CRADD: variants seen among roughly 807,000 people sequenced by gnomAD.
The protein encoded by CRADD is death domain-containing protein CRADD.
A neutral mutation model predicts 15.5 loss-of-function variants in CRADD; 9 were observed. The observed-to-expected ratio is 0.58, with a 90% CI of 0.35 to 1.01. The LOEUF (loss-of-function observed/expected upper bound fraction) is 1.01, where lower values mean the gene tolerates loss of function less well. CRADD is among the 50% of genes least tolerant of loss of function. CRADD has a pLI of 0.02. For missense variants in CRADD, 227 were observed against 250.3 expected, an observed-to-expected ratio of 0.91 and a Z score of 0.63; for synonymous variants, 118 against 107.6, an observed-to-expected ratio of 1.10 and a Z score of -0.60.
At chr12:93,838,990 C>G (rs1958016741) in intron 2 of CRADD, among the ~76,000 whole-genome samples, 1 of 152,062 alleles carries the variant, frequency 6.6e-6, no homozygotes. Flanking sequence ...CCAGGCTAGC[C>G]TTGAACTCCT....
chr12:93,751,727 G>T (rs1272539878), intron 2 of CRADD, among the ~76,000 whole-genome samples: 1 of 152,174 alleles, frequency 6.6e-6, no homozygotes, highest in African/African-American at 2.4e-5. Context: ...TAGCCAGGGT[G>T]GTGGTGTGTG....
chr12:93,872,920 G>C (rs1486548364), intron 2 of CRADD, among the ~76,000 whole-genome samples: 1 of 151,832 alleles, frequency 6.6e-6, no homozygotes, highest in East Asian at 1.9e-4. Context: ...TAAATTTTAG[G>C]ATTTTTTTTC....
chr12:93,729,009 T>G (rs542780936), intron 2 of CRADD, among the ~76,000 whole-genome samples: 70 of 152,226 alleles, frequency 4.6e-4, no homozygotes, highest in Admixed American at 5.2e-4. Flanking sequence ...ATTTCAAAAT[T>G]TAGGGTTTTT....
intron 2 of CRADD, among the ~76,000 whole-genome samples, chr12:93,767,489 A>C (rs898053620): frequency 6.6e-6 from 1 of 152,206 alleles, no homozygotes; most frequent in African/African-American, 2.4e-5. Flanking sequence ...GCTAACATTC[A>C]TTGAGGTTTA....
At chr12:93,734,507 CTG>C (rs1183431893) in intron 2 of CRADD, among the ~76,000 whole-genome samples, 2 of 152,144 alleles carry the variant, frequency 1.3e-5, no homozygotes, top group Non-Finnish European at 2.9e-5. Flanking sequence ...TGTTTTCACA[CTG>C]TGTTTTTCTC....
At chr12:93,697,350 T>C (rs1387944194) in intron 2 of CRADD, among the ~76,000 whole-genome samples, 1 of 152,226 alleles carries the variant, frequency 6.6e-6, no homozygotes, top group Non-Finnish European at 1.5e-5. Flanking sequence ...GGACACAGTG[T>C]TAACCTCTTC....
intron 2 of CRADD, among the ~76,000 whole-genome samples, chr12:93,839,807 CTAGA>C (rs1958026648): frequency 6.6e-6 from 1 of 152,176 alleles, no homozygotes; most frequent in Admixed American, 6.5e-5. Flanking sequence ...CTTACCCAGC[CTAGA>C]TAGTGTTTCC....
chr12:93,823,789 G>T (rs1957794612), intron 2 of CRADD, among the ~76,000 whole-genome samples: 1 of 152,152 alleles, frequency 6.6e-6, no homozygotes, highest in African/African-American at 2.4e-5. Flanking sequence ...GGTGGGAAGT[G>T]GAGTGAGTAA....
At position 93,850,360 on chromosome 12, in the gene CRADD, A is replaced by G; in HGVS notation, c.*89A>G. 1 of 1,469,074 alleles carries G rather than the reference A, an allele frequency of 6.8e-7. No homozygotes were observed. Among genetic ancestry groups the G allele is most frequent in the Non-Finnish European group, 9.0e-7 (1 of 1,116,478 alleles). 91.0% of individuals were successfully genotyped at this position (1,469,074 alleles called of 1,614,324 possible). ...ACTCAGAGCAGGTGGTTTTTTGTGTAGGTTTGTTTTTTATTTTTGATGATC... is the reference window on the plus strand; with the variant it reads ...ACTCAGAGCAGGTGGTTTTTTGTGTGGGTTTGTTTTTTATTTTTGATGATC... On this transcript the variant is annotated 3_prime_UTR_variant, in exon 3 of 3. Coordinates refer to ENST00000332896, the MANE Select transcript of CRADD (RefSeq NM_003805.5). This position sits in a 1 kb window ranked among gnomAD's most constrained non-coding sequence, Gnocchi z 4.0.
intron 2 of CRADD, among the ~76,000 whole-genome samples, chr12:93,808,812 G>A (rs1957581296): frequency 6.6e-6 from 1 of 151,900 alleles, no homozygotes; most frequent in Non-Finnish European, 1.5e-5. Context: ...GACTGACCAT[G>A]TTCCTAGGAG....
rs556714580 is a variant in CRADD, at chr12:93,847,390, A to G, written c.299-2580A>G. 8.6e-5 allele frequency among the ~76,000 whole-genome samples: 13 copies of G among 150,360 alleles called. No homozygotes were observed. In the South Asian group the frequency reaches 1.0e-3, roughly 12 times the overall value. On this transcript the variant is annotated intron_variant, in intron 2 of 2. Coordinates refer to ENST00000332896, the MANE Select transcript of CRADD (RefSeq NM_003805.5). ...TTAAGAATATAAAAAGATAAAAATA[A>G]TATAAAATTGTTCTCTAAATATTAA... is the stretch of plus-strand genomic sequence containing the variant.
At chr12:93,894,198 T>G in exon 3 of CRADD, 1 of 697,560 alleles carries the variant, frequency 1.4e-6, no homozygotes, top group East Asian at 2.7e-5. Context: ...CAAGGGCGAT[T>G]TTGCCTTCCA....
intron 2 of CRADD, among the ~76,000 whole-genome samples, chr12:93,835,407 G>C (rs1409309441): frequency 6.6e-6 from 1 of 151,922 alleles, no homozygotes; most frequent in Non-Finnish European, 1.5e-5. Context: ...ATTGAACCAG[G>C]GTACATGTTT....
At chr12:93,823,316 A>G (rs1273224665) in intron 2 of CRADD, among the ~76,000 whole-genome samples, 3 of 151,262 alleles carry the variant, frequency 2.0e-5, no homozygotes, top group African/African-American at 7.3e-5. Context: ...AAAAAAAAGA[A>G]GAGGAAGAAG....
At chr12:93,680,360 CTGATAA>C (rs1461099556) in intron 2 of CRADD, among the ~76,000 whole-genome samples, 1 of 152,138 alleles carries the variant, frequency 6.6e-6, no homozygotes, top group Non-Finnish European at 1.5e-5. Flanking sequence ...AAAATGAATA[CTGATAA>C]TAAGACCACT....
Position 93,850,054 on chromosome 12 carries a change from G to T in CRADD, c.383G>T (p.Gly128Val). 3 of 1,611,998 alleles carry T rather than the reference G, an allele frequency of 1.9e-6. No homozygotes were observed. The highest frequency in any genetic ancestry group is 1.7e-6 in the Non-Finnish European group (2 of 1,178,046). ...ATTAACCAGCTGGCCCAGAGGCTGGGCCCTGAGTGGGAGCCCATGGTGCTG... is the reference window on the plus strand; with the variant it reads ...ATTAACCAGCTGGCCCAGAGGCTGGTCCCTGAGTGGGAGCCCATGGTGCTG... ...RQINQLAQRL[G>V]PEWEPMVLSL... The change falls in exon 3 of 3, where the codon GGC (glycine) becomes GTC (valine). Residue 128 changes from glycine to valine, a missense_variant. Coordinates refer to ENST00000332896, the MANE Select transcript of CRADD (RefSeq NM_003805.5). The surrounding 1 kb of genome is among the most constrained non-coding windows in gnomAD (Gnocchi z 4.0).
At chr12:93,711,595 C>G (rs761524780) in intron 2 of CRADD, among the ~76,000 whole-genome samples, 1 of 152,096 alleles carries the variant, frequency 6.6e-6, no homozygotes, top group Non-Finnish European at 1.5e-5. Context: ...GTTCCTTGAG[C>G]CCTTGAGGTT....
At chr12:93,754,821 C>G (rs1042380422) in intron 2 of CRADD, among the ~76,000 whole-genome samples, 1 of 152,164 alleles carries the variant, frequency 6.6e-6, no homozygotes, top group African/African-American at 2.4e-5. Flanking sequence ...CCAAACTGTT[C>G]CAACCTCTGC....
At chr12:93,727,947 TC>T (rs1433562003) in intron 2 of CRADD, among the ~76,000 whole-genome samples, 1 of 152,168 alleles carries the variant, frequency 6.6e-6, no homozygotes, top group Non-Finnish European at 1.5e-5. Flanking sequence ...TACTCTCTAC[TC>T]CTGGAGGTAG....
Sources: gnomAD v4.1 joint callset for allele counts (sites outside exome capture counted in the v4.1 genomes callset) on GRCh38, gnomAD v4.1.1 for gene constraint, Gnocchi (gnomAD v3.1) non-coding constraint, MANE v1.5 for transcripts, NCBI Gene and HGNC (gene_info 2026-07-23, HGNC 2026-07-21) for gene names.